PDE4D: variants seen among roughly 807,000 people sequenced by gnomAD.
PDE4D encodes the protein phosphodiesterase 4D.
A neutral mutation model predicts 87.4 loss-of-function variants in PDE4D; 24 were observed. The ratio of observed to expected loss-of-function variants is 0.27; its 90% CI spans 0.20 to 0.39. PDE4D has a LOEUF of 0.39. PDE4D is among the 10% of genes least tolerant of loss of function. The pLI, the probability that PDE4D is intolerant of heterozygous loss-of-function variation, is 1.00. For synonymous variants in PDE4D, 384 were observed against 383.2 expected (o/e 1.00, Z -0.02); for missense variants, 714 against 1,041.0 (o/e 0.69, Z 4.32).
At chr5:59,332,171 T>C (rs1339882750) in intron 1 of PDE4D, among the ~76,000 whole-genome samples, 4 of 152,256 alleles carry the variant, frequency 2.6e-5, no homozygotes, top group African/African-American at 9.6e-5. Context: ...TTATTTATTC[T>C]TGTTTTTATC....
chr5:60,362,021 C>G (rs1760121346), intron 1 of PDE4D, among the ~76,000 whole-genome samples: 1 of 152,202 alleles, frequency 6.6e-6, no homozygotes, highest in Non-Finnish European at 1.5e-5. Flanking sequence ...TACCTTTACT[C>G]TTATCTATTT....
chr5:59,999,216 A>T (rs892600734), intron 2 of PDE4D, among the ~76,000 whole-genome samples: 16 of 152,260 alleles, frequency 1.1e-4, no homozygotes, highest in Middle Eastern at 6.8e-3. Context: ...ACACCTTATG[A>T]CTTCTCCCTT....
intron 6 of PDE4D, among the ~76,000 whole-genome samples, chr5:59,028,266 C>G (rs1756608187): frequency 1.3e-5 from 2 of 151,402 alleles, no homozygotes; most frequent in Non-Finnish European, 2.9e-5. Flanking sequence ...AAAACACCAC[C>G]AAAAAAAGTG....
rs1041513226 is a variant in PDE4D at position 59,427,905 on chromosome 5, A to G, written c.456-211937T>C. 4.6e-5 allele frequency among the ~76,000 whole-genome samples: 7 copies of G among 152,338 alleles called. No individual in the cohort carries two copies. In the South Asian group the frequency reaches 6.2e-4, roughly 14 times the overall value. On this transcript the variant is annotated intron_variant, in intron 1 of 14. Transcript: ENST00000340635. ...GAAAGAAAATTATATTTCTTACAAA[A>G]GAAAAAGTGGGACAGTACAATTTAC...
At chr5:59,771,499 G>GAGAGAGAGAGAAGAAAGAAAGAAAGA (rs1554081503) in intron 1 of PDE4D, among the ~76,000 whole-genome samples, 1 of 19,700 alleles carries the variant, frequency 5.1e-5, no homozygotes, top group Admixed American at 7.2e-4. Context: ...GAGAGAGAGA[G>GAGAGAGAGAGAAGAAAGAAAGAAAGA]AAGAAAGAAA....
chr5:59,030,562 G>A (rs1757198280), intron 6 of PDE4D, among the ~76,000 whole-genome samples: 1 of 151,002 alleles, frequency 6.6e-6, no homozygotes, highest in Non-Finnish European at 1.5e-5. Flanking sequence ...AAAATAGCAA[G>A]ACCCTCTCTA....
intron 1 of PDE4D, among the ~76,000 whole-genome samples, chr5:60,474,150 AAC>A (rs1436260838): frequency 5.6e-4 from 54 of 96,366 alleles, no homozygotes; most frequent in African/African-American, 3.5e-3. Context: ...ATATATATAT[AAC>A]AAAAACCTTA....
intron 2 of PDE4D, among the ~76,000 whole-genome samples, chr5:60,179,430 T>A (rs1280370536): frequency 6.6e-6 from 1 of 152,136 alleles, no homozygotes; most frequent in Non-Finnish European, 1.5e-5. Flanking sequence ...TTGAACACAA[T>A]TGATTATTGT....
At chr5:59,079,628 C>G (rs889273064) in intron 5 of PDE4D, among the ~76,000 whole-genome samples, 7 of 150,908 alleles carry the variant, frequency 4.6e-5, no homozygotes, top group Non-Finnish European at 7.4e-5. Context: ...GAGTTTGAGA[C>G]CAGCCTGGGC....
rs372225685 is a variant in PDE4D at position 59,324,187 on chromosome 5, C to T, written c.456-108219G>A. The stretch of plus-strand genomic sequence containing the variant: ...TTGCTCAAGCAAGCATGGCCAGGGG[C>T]CCTTCTTGCGTGTTCCTACAGCATC... On this transcript the variant is annotated intron_variant, in intron 1 of 14. Coordinates refer to ENST00000340635, the MANE Select transcript of PDE4D (RefSeq NM_001104631.2). 4.6e-5 allele frequency among the ~76,000 whole-genome samples: 7 copies of T among 152,272 alleles called. No homozygotes were observed. The South Asian group carries it at 8.3e-4, about 18-fold the overall frequency.
intron 1 of PDE4D, chr5:59,768,442 G>A (rs1470356675): frequency 1.9e-6 from 3 of 1,598,290 alleles, no homozygotes; most frequent in Middle Eastern, 1.6e-4. Flanking sequence ...GTTCAGCCAC[G>A]GGTTTGGACA....
At chr5:60,344,199 T>G (rs1758547449) in intron 1 of PDE4D, among the ~76,000 whole-genome samples, 1 of 152,144 alleles carries the variant, frequency 6.6e-6, no homozygotes, top group Non-Finnish European at 1.5e-5. Flanking sequence ...TACCCCTGCT[T>G]CATGAACAAT....
intron 1 of PDE4D, among the ~76,000 whole-genome samples, chr5:59,656,787 CAAAT>C (rs748767695): frequency 1.3e-5 from 2 of 152,130 alleles, no homozygotes; most frequent in Admixed American, 1.3e-4. Flanking sequence ...GCAATTGTGA[CAAAT>C]AAATTATACT....
At chr5:59,170,804 TA>T (rs1276051489) in intron 5 of PDE4D, among the ~76,000 whole-genome samples, 1 of 152,164 alleles carries the variant, frequency 6.6e-6, no homozygotes, top group African/African-American at 2.4e-5. Context: ...ATTCACACAT[TA>T]TTTAGAATTT....
intron 6 of PDE4D, among the ~76,000 whole-genome samples, chr5:59,029,416 C>CAAAAAAAA (rs34120574): frequency 3.4e-5 from 3 of 86,962 alleles, no homozygotes; most frequent in South Asian, 4.8e-4. Context: ...GACTCCATCA[C>CAAAAAAAA]AAAAAAAAAA....
chr5:59,356,690 G>A (rs2153590301), intron 1 of PDE4D: 1 of 1,293,228 alleles, frequency 7.7e-7, no homozygotes. Flanking sequence ...ATAGGGCAAA[G>A]GCTTATTTGC....
rs538824719 is a variant in PDE4D, at chr5:59,829,906, C to T, written c.455+63262G>A. Reference sequence around the variant, plus strand: ...AATTCACCTTCTTTCTTTAAAATACCCTGGAAAGGTAGTTTTTGTTTTTAA... The same window carrying T: ...AATTCACCTTCTTTCTTTAAAATACTCTGGAAAGGTAGTTTTTGTTTTTAA... On this transcript the variant is annotated intron_variant, in intron 1 of 14. Transcript: ENST00000340635. 2.0e-5 allele frequency among the ~76,000 whole-genome samples: 3 copies of T among 151,908 alleles called. No individual in the cohort carries two copies. In the East Asian group the frequency reaches 5.9e-4, roughly 30 times the overall value.
chr5:60,196,233 C>T (rs1351508603), intron 1 of PDE4D, among the ~76,000 whole-genome samples: 2 of 151,650 alleles, frequency 1.3e-5, no homozygotes, highest in East Asian at 1.9e-4. Flanking sequence ...TTCAAAATGG[C>T]ACAGTTCAGT....
chr5:59,011,748 G>A (rs1034238458), intron 6 of PDE4D, among the ~76,000 whole-genome samples: 23 of 152,210 alleles, frequency 1.5e-4, no homozygotes, highest in Non-Finnish European at 1.6e-4. Flanking sequence ...TTATCCAGGA[G>A]AAATTCCCCA....
Sources: allele counts gnomAD v4.1 joint callset (sites outside exome capture counted in the v4.1 genomes callset), GRCh38; gene constraint gnomAD v4.1.1; transcripts MANE v1.5; gene names NCBI Gene and HGNC (gene_info 2026-07-23, HGNC 2026-07-21).